The following GRIK4 variants were observed in gnomAD, a reference collection of about 807,000 sequenced individuals.
GRIK4 encodes glutamate ionotropic receptor kainate type subunit 4.
Under a neutral mutation model 104.9 loss-of-function variants are expected in GRIK4, and 40 were observed. That is an observed-to-expected ratio of 0.38 (90% CI 0.30 to 0.50). The LOEUF (loss-of-function observed/expected upper bound fraction) is 0.50, where lower values mean the gene tolerates loss of function less well. Ranked by LOEUF, GRIK4 falls within the 20% of genes least tolerant of loss-of-function variation. The probability of loss-of-function intolerance (pLI) is 0.93; values close to 1 mark genes in which losing one functional copy is unlikely to be tolerated. For missense variants in GRIK4, 1,047 were observed against 1,308.1 expected, an observed-to-expected ratio of 0.80 and a Z score of 3.08; for synonymous variants, 485 against 524.9, an observed-to-expected ratio of 0.92 and a Z score of 1.04.
At chr11:120,699,531 GTGTGTGTA>G (rs1372469656) in intron 3 of GRIK4, among the ~76,000 whole-genome samples, 325 of 94,914 alleles carry the variant, frequency 3.4e-3, no homozygotes, top group South Asian at 0.02. Flanking sequence ...AGTAAGTCAG[GTGTGTGTA>G]TGTGTGTGTG....
intron 7 of GRIK4, among the ~76,000 whole-genome samples, chr11:120,833,077 C>T (rs1355677046): frequency 6.6e-6 from 1 of 152,078 alleles, no homozygotes; most frequent in Non-Finnish European, 1.5e-5. Context: ...ATTGTCTCCC[C>T]TCCTTCCCTC....
At chr11:120,832,925 C>T (rs1436068233) in intron 7 of GRIK4, among the ~76,000 whole-genome samples, 1 of 152,154 alleles carries the variant, frequency 6.6e-6, no homozygotes, top group Non-Finnish European at 1.5e-5. Context: ...CTTGGCGGCT[C>T]CCCCAACCTC....
At chr11:120,748,443 C>T (rs1040834214) in intron 3 of GRIK4, among the ~76,000 whole-genome samples, 4 of 152,124 alleles carry the variant, frequency 2.6e-5, no homozygotes, top group South Asian at 2.1e-4. Context: ...TGCTGTGTAG[C>T]GGGTGGGTAA....
rs955384957 is a variant in GRIK4 at position 120,555,630 on chromosome 11, G to C, written c.-159+43743G>C. On this transcript the variant is annotated intron_variant, in intron 1 of 20. Transcript: ENST00000527524. This position sits in a 1 kb window ranked among gnomAD's most constrained non-coding sequence, Gnocchi z 5.3. ...AGTTTCTTATCTGGCAAATGGGACC[G>C]AGACACATCCAATGCCCAGGTGGTG... Among the ~76,000 whole-genome samples the C allele has an allele frequency of 3.3e-5, 5 of 152,124 alleles. No homozygotes were observed. Among genetic ancestry groups the C allele is most frequent in the Admixed American group, 6.5e-5 (1 of 15,278 alleles).
chr11:120,654,397 TC>T (rs1169554344), intron 2 of GRIK4, among the ~76,000 whole-genome samples: 2 of 152,182 alleles, frequency 1.3e-5, no homozygotes, highest in African/African-American at 4.8e-5. Flanking sequence ...AGTATCTCGC[TC>T]TGTTGCCCAG....
At chr11:120,935,627 A>G (rs1943579457) in intron 13 of GRIK4, among the ~76,000 whole-genome samples, 1 of 152,216 alleles carries the variant, frequency 6.6e-6, no homozygotes, top group Non-Finnish European at 1.5e-5. Context: ...AACAGCTGCA[A>G]CCTTTTTGTT....
intron 3 of GRIK4, among the ~76,000 whole-genome samples, chr11:120,767,945 T>C (rs1005447674): frequency 2.0e-5 from 3 of 152,202 alleles, no homozygotes; most frequent in African/African-American, 4.8e-5. Context: ...TTTTGATTAC[T>C]ACAACTTTGT....
chr11:120,736,625 A>G (rs11604129), intron 3 of GRIK4, among the ~76,000 whole-genome samples: 10,100 of 152,278 alleles, frequency 0.066, 379 homozygotes, highest in South Asian at 0.15. Flanking sequence ...ATTATGGTTC[A>G]TTCTAATTCT....
chr11:120,981,847 G>A (rs1274519398), intron 19 of GRIK4, among the ~76,000 whole-genome samples: 1 of 152,100 alleles, frequency 6.6e-6, no homozygotes, highest in Non-Finnish European at 1.5e-5. Context: ...ACACCCTTTG[G>A]TAGGCTTCTT....
At position 120,531,865 on chromosome 11, in the gene GRIK4, C is replaced by T. The variant is rs577381061; in HGVS notation, c.-159+19978C>T. Among the ~76,000 whole-genome samples, 21 of 152,242 alleles carry T rather than the reference C, an allele frequency of 1.4e-4. No individual in the cohort carries two copies. The South Asian group carries it at 3.3e-3, about 24-fold the overall frequency. On this transcript the variant is annotated intron_variant, in intron 1 of 20. Transcript: ENST00000527524. Reference sequence around the variant, plus strand: ...TGCTGGGATTACAGGTGTGAGCCACCGTGCCCAGCCTGCCTGTTTCTCTTA... The same window carrying T: ...TGCTGGGATTACAGGTGTGAGCCACTGTGCCCAGCCTGCCTGTTTCTCTTA...
chr11:120,913,856 T>TAAA (rs36119057), intron 13 of GRIK4, among the ~76,000 whole-genome samples: 53 of 132,748 alleles, frequency 4.0e-4, no homozygotes, highest in African/African-American at 9.6e-4. Flanking sequence ...TTTGCTGAAC[T>TAAA]AAAAAAAAAA....
chr11:120,973,389 A>C (rs1026322550), intron 19 of GRIK4, among the ~76,000 whole-genome samples: 6 of 152,198 alleles, frequency 3.9e-5, no homozygotes, highest in African/African-American at 1.4e-4. Flanking sequence ...GTTCCCTGGC[A>C]TGAAGGAGAG....
intron 1 of GRIK4, among the ~76,000 whole-genome samples, chr11:120,650,548 G>T (rs1591768984): frequency 6.6e-6 from 1 of 152,138 alleles, no homozygotes; most frequent in Non-Finnish European, 1.5e-5. Flanking sequence ...CCTTAGGGAG[G>T]TCTTCCCTCC....
chr11:120,651,499 T>C (rs1309697289), intron 1 of GRIK4, among the ~76,000 whole-genome samples: 2 of 152,166 alleles, frequency 1.3e-5, no homozygotes, highest in African/African-American at 4.8e-5. Flanking sequence ...TCTTGCTCCT[T>C]ATTGCCTGAG....
At chr11:120,893,600 G>C (rs1942479241) in intron 11 of GRIK4, among the ~76,000 whole-genome samples, 1 of 152,224 alleles carries the variant, frequency 6.6e-6, no homozygotes, top group Admixed American at 6.5e-5. Context: ...CTAATGCCCA[G>C]CACAGAGCCC....
At chr11:120,774,385 T>C (rs936139842) in intron 3 of GRIK4, among the ~76,000 whole-genome samples, 2 of 152,084 alleles carry the variant, frequency 1.3e-5, no homozygotes, top group African/African-American at 2.4e-5. Context: ...TATTAAGGAA[T>C]TGGCTCACAT....
intron 3 of GRIK4, among the ~76,000 whole-genome samples, chr11:120,744,685 T>C (rs1028314632): frequency 6.6e-6 from 1 of 152,108 alleles, no homozygotes. Context: ...GGCATTTGTA[T>C]AAAAAGACTC....
intron 6 of GRIK4, among the ~76,000 whole-genome samples, chr11:120,829,118 T>G (rs993256932): frequency 2.0e-5 from 3 of 152,166 alleles, no homozygotes; most frequent in African/African-American, 4.8e-5. Flanking sequence ...TTCTAGGACG[T>G]GGGGAGGTTG....
chr11:120,644,134 G>T (rs1949511152), intron 1 of GRIK4, among the ~76,000 whole-genome samples: 1 of 151,402 alleles, frequency 6.6e-6, no homozygotes, highest in African/African-American at 2.4e-5. Flanking sequence ...GTGACACAGG[G>T]TTTTTTTTAT....
Sources: gnomAD v4.1 joint callset for allele counts (sites outside exome capture counted in the v4.1 genomes callset) on GRCh38, gnomAD v4.1.1 for gene constraint, Gnocchi (gnomAD v3.1) non-coding constraint, MANE v1.5 for transcripts, NCBI Gene and HGNC (gene_info 2026-07-23, HGNC 2026-07-21) for gene names.